Variants in LRRC8A observed in about 807,000 individuals in gnomAD.
LRRC8A encodes volume-regulated anion channel subunit LRRC8A.
LRRC8A carries 24 observed loss-of-function variants against 52.5 expected under a neutral mutation model. The observed-to-expected ratio is 0.46, with a 90% CI of 0.33 to 0.64. The LOEUF is 0.64. Ranked by LOEUF, LRRC8A falls within the 30% of genes least tolerant of loss-of-function variation. LRRC8A has a pLI of 0.02. For synonymous variants in LRRC8A, 492 were observed against 494.2 expected (o/e 1.00, Z 0.06); for missense variants, 677 against 1,094.7 (o/e 0.62, Z 5.38).
chr9:128,887,762 C>G (rs1372224607), intron 2 of LRRC8A, among the ~76,000 whole-genome samples: 2 of 152,116 alleles, frequency 1.3e-5, no homozygotes, highest in African/African-American at 4.8e-5. Flanking sequence ...CTGCCTCAGC[C>G]TCCCGAGTAG....
chr9:128,898,648 T>C (rs947387094), intron 2 of LRRC8A, among the ~76,000 whole-genome samples: 1 of 152,220 alleles, frequency 6.6e-6, no homozygotes, highest in African/African-American at 2.4e-5. Flanking sequence ...CCCTGGCCTT[T>C]TAGCAGCCCT....
rs1479875066 is a variant in LRRC8A, at chr9:128,916,144, C to T, written c.2206C>T (p.Leu736=). ...ELFQCRKLRA[L]HLGNNVLQSL... ...CTTCCAGTGCCGGAAGCTGCGGGCCCTGCACCTGGGCAACAACGTGCTGCA... is the reference window on the plus strand; with the variant it reads ...CTTCCAGTGCCGGAAGCTGCGGGCCTTGCACCTGGGCAACAACGTGCTGCA... The change falls in exon 4 of 4, where the codon CTG becomes TTG. Residue 736 remains leucine, a synonymous_variant. Coordinates refer to ENST00000372600, the MANE Select transcript of LRRC8A (RefSeq NM_019594.4). This position sits in a 1 kb window ranked among gnomAD's most constrained non-coding sequence, Gnocchi z 6.1. 4 of 1,613,206 alleles carry T rather than the reference C, an allele frequency of 2.5e-6. No homozygotes were observed. In the South Asian group the frequency reaches 4.4e-5, roughly 18 times the overall value.
intron 1 of LRRC8A, among the ~76,000 whole-genome samples, chr9:128,883,092 G>A (rs904944518): frequency 6.6e-6 from 1 of 152,206 alleles, no homozygotes; most frequent in Non-Finnish European, 1.5e-5. Context: ...GGAGGGATGG[G>A]TCGGGGGTTG....
intron 2 of LRRC8A, among the ~76,000 whole-genome samples, chr9:128,894,814 T>C (rs934863538): frequency 4.7e-5 from 7 of 149,416 alleles, no homozygotes; most frequent in Non-Finnish European, 7.4e-5. Context: ...AAAAAAGATA[T>C]CATATTTCCT....
In LRRC8A at chr9:128,907,854, C is replaced by T. The variant is rs368520861; in HGVS notation, c.690C>T (p.Gly230=). Residue 230 remains glycine (G), a synonymous_variant, in exon 3 of 4, where the codon GGC becomes GGT. Transcript: ENST00000372600. The surrounding 1 kb of genome is among the most constrained non-coding windows in gnomAD (Gnocchi z 9.3). Reference sequence around the variant, plus strand: ...GTATCGTGGACCGCTCAGAGACGGGCGTGCTGGACAAGAAGGAGGGGGAGC... The same window carrying T: ...GTATCGTGGACCGCTCAGAGACGGGTGTGCTGGACAAGAAGGAGGGGGAGC... The part of the protein sequence containing the change: ...EQGIVDRSET[G]VLDKKEGEQA... 8.2e-5 allele frequency: 133 copies of T among 1,613,940 alleles called. No homozygotes were observed. Among genetic ancestry groups the T allele is most frequent in the Non-Finnish European group, 9.2e-5 (108 of 1,180,028 alleles).
At chr9:128,914,974 TCCTGGCTCCATCACTTACCAGCTGAA>T in intron 3 of LRRC8A, among the ~76,000 whole-genome samples, 1 of 152,328 alleles carries the variant, frequency 6.6e-6, no homozygotes, top group Non-Finnish European at 1.5e-5. Context: ...CGGGTTCAAA[TCCTGGCTCCATCACTTACCAGCTGAA>T]CCTCTGGACA....
chr9:128,888,058 T>C (rs996309531), intron 2 of LRRC8A, among the ~76,000 whole-genome samples: 19 of 152,048 alleles, frequency 1.2e-4, no homozygotes, highest in African/African-American at 4.6e-4. Context: ...TTTGAGCTGT[T>C]TGGGCATTTA....
At position 128,916,344 on chromosome 9, in the gene LRRC8A, G is replaced by A. The variant is rs748386966; in HGVS notation, c.2406G>A (p.Leu802=). ...TGCCACCCGAGGTGAAGGAGCGGCT[G>A]TGGAGGGCTGACAAGGAGCAGGCCT... is the stretch of plus-strand genomic sequence containing the variant. The part of the protein sequence containing the change: ...NTLPPEVKER[L]WRADKEQA The change falls in exon 4 of 4, where the codon CTG becomes CTA. Residue 802 remains leucine (L), a synonymous_variant. Transcript: ENST00000372600. The surrounding 1 kb of genome is among the most constrained non-coding windows in gnomAD (Gnocchi z 6.1). 2.5e-6 allele frequency: 4 copies of A among 1,611,786 alleles called. No individual in the cohort carries two copies. Among genetic ancestry groups the A allele is most frequent in the Non-Finnish European group, 3.4e-6 (4 of 1,179,862 alleles).
chr9:128,917,824 A>G lies in LRRC8A; in HGVS notation c.*1453A>G, dbSNP rs1840892438. 6.5e-6 allele frequency: 1 copy of G among 152,728 alleles called. No homozygotes were observed. Among genetic ancestry groups the G allele is most frequent in the African/African-American group, 2.4e-5 (1 of 41,472 alleles). The allele number at this position is 152,728 out of a possible 1,614,324, so 9.5% of individuals were successfully genotyped here. A position where few individuals can be genotyped will look rare whatever the true frequency, so the allele number is the denominator to read the frequency against. On this transcript the variant is annotated 3_prime_UTR_variant, in exon 4 of 4. Coordinates refer to ENST00000372600, the MANE Select transcript of LRRC8A (RefSeq NM_019594.4). ...TTAGAAGGGTCCCCGCCTTAGATCA[A>G]TCACGTGGACACTAAGGCACGTTTT...
chr9:128,893,347 A>G (rs1026318310), intron 2 of LRRC8A, among the ~76,000 whole-genome samples: 2 of 152,180 alleles, frequency 1.3e-5, no homozygotes, highest in African/African-American at 4.8e-5. Flanking sequence ...GGACCGTGGA[A>G]CGACAGCCTG....
At chr9:128,909,836 C>A (rs892241478) in intron 3 of LRRC8A, among the ~76,000 whole-genome samples, 9 of 152,334 alleles carry the variant, frequency 5.9e-5, no homozygotes, top group Non-Finnish European at 1.3e-4. Flanking sequence ...TGAGGGGAAG[C>A]CTTGGATGGT....
At chr9:128,900,770 G>A (rs890943324) in intron 2 of LRRC8A, among the ~76,000 whole-genome samples, 8 of 152,178 alleles carry the variant, frequency 5.3e-5, no homozygotes, top group Admixed American at 1.3e-4. Flanking sequence ...GCTCATGCCC[G>A]TAGTCCCAGC....
intron 2 of LRRC8A, among the ~76,000 whole-genome samples, chr9:128,886,625 G>T (rs981573417): frequency 6.6e-6 from 1 of 152,204 alleles, no homozygotes; most frequent in African/African-American, 2.4e-5. Context: ...TTATTTGATC[G>T]TGTAGACATC....
chr9:128,908,536 G>A lies in LRRC8A; in HGVS notation c.1372G>A (p.Asp458Asn), dbSNP rs1339612175. 5 of 1,612,622 alleles carry A rather than the reference G, an allele frequency of 3.1e-6. No individual in the cohort carries two copies. Among genetic ancestry groups the A allele is most frequent in the Non-Finnish European group, 3.4e-6 (4 of 1,179,926 alleles). The change falls in exon 3 of 4, where the codon GAC (aspartate) becomes AAC (asparagine). Residue 458 changes from aspartate (D) to asparagine (N), a missense_variant. Physicochemically the swap from Asp to Asn is conservative, Grantham distance 23. This residue lies in a region of LRRC8A where 422 missense variants were observed against 741.5 expected (regional missense o/e 0.57). Transcript: ENST00000372600. ...LEVLKLELIP[D>N]VTIPPSIAQL... The stretch of plus-strand genomic sequence containing the variant: ...GGTCCTCAAGCTGGAGCTGATCCCC[G>A]ACGTGACCATCCCGCCCAGCATTGC...
rs2130995466 is a variant in LRRC8A at position 128,902,826 on chromosome 9, G to A, written c.-8-4331G>A. Among the ~76,000 whole-genome samples the A allele has an allele frequency of 1.3e-5, 2 of 152,244 alleles. No individual in the cohort carries two copies. The highest frequency in any genetic ancestry group is 4.8e-5 in the African/African-American group (2 of 41,556). On this transcript the variant is annotated intron_variant, in intron 2 of 3. Coordinates refer to ENST00000372600, the MANE Select transcript of LRRC8A (RefSeq NM_019594.4). This position sits in a 1 kb window ranked among gnomAD's most constrained non-coding sequence, Gnocchi z 4.1. The stretch of plus-strand genomic sequence containing the variant: ...TTCCTGTGGGGCGGGTGCTTGCCCT[G>A]GCCCGTGAGTCCTGGCATCACTAGG...
rs1315103213 is a variant in LRRC8A, at chr9:128,916,575, C to A, written c.*204C>A. On this transcript the variant is annotated 3_prime_UTR_variant, in exon 4 of 4. Coordinates refer to ENST00000372600, the MANE Select transcript of LRRC8A (RefSeq NM_019594.4). This position sits in a 1 kb window ranked among gnomAD's most constrained non-coding sequence, Gnocchi z 6.1. Reference sequence around the variant, plus strand: ...CCTTTTCTCCCTCTGAGACTCACGTCCCCCAGGGCAAGTGCTTGTGGAGGA... The same window carrying A: ...CCTTTTCTCCCTCTGAGACTCACGTACCCCAGGGCAAGTGCTTGTGGAGGA... 3.1e-6 allele frequency: 2 copies of A among 635,990 alleles called. No individual in the cohort carries two copies. The highest frequency in any genetic ancestry group is 6.0e-5 in the Admixed American group (2 of 33,466). 39.4% of individuals were successfully genotyped at this position (635,990 alleles called of 1,614,324 possible).
intron 3 of LRRC8A, among the ~76,000 whole-genome samples, chr9:128,915,515 C>G (rs1175678215): frequency 6.6e-6 from 1 of 152,070 alleles, no homozygotes; most frequent in African/African-American, 2.4e-5. Context: ...TTAGTAGAGA[C>G]GGGGTTTCAC....
chr9:128,907,017 A>T lies in LRRC8A; in HGVS notation c.-8-140A>T. On this transcript the variant is annotated intron_variant, in intron 2 of 3. Coordinates refer to ENST00000372600, the MANE Select transcript of LRRC8A (RefSeq NM_019594.4). The surrounding 1 kb of genome is among the most constrained non-coding windows in gnomAD (Gnocchi z 9.3). ...TGATAAGTGGGCTGCCCCGTGGAGT[A>T]GGCAGGCTTTGGCTCCCAGCTAGAT... is the stretch of plus-strand genomic sequence containing the variant. The T allele has an allele frequency of 1.3e-6, 1 of 765,598 alleles. No homozygotes were observed. The highest frequency in any genetic ancestry group is 1.7e-5 in the South Asian group (1 of 57,984). The allele number at this position is 765,598 out of a possible 1,614,324, so 47.4% of individuals were successfully genotyped here.
rs1428846685 is a variant in LRRC8A, at chr9:128,909,196, C to T, written c.2032C>T (p.Pro678Ser). The T allele has an allele frequency of 6.2e-7, 1 of 1,614,194 alleles. No homozygotes were observed. Among genetic ancestry groups the T allele is most frequent in the Non-Finnish European group, 8.5e-7 (1 of 1,180,042 alleles). The change falls in exon 3 of 4, where the codon CCC (proline) becomes TCC (serine). Residue 678 changes from proline to serine, a missense_variant. Coordinates refer to ENST00000372600, the MANE Select transcript of LRRC8A (RefSeq NM_019594.4). ...GAACCGCAACAAGATCGAGAAGATC[C>T]CCACCCAGCTCTTCTACTGCCGCAA... ...YLNRNKIEKIPTQLFYCRKLR... is the reference protein window; with the variant it reads ...YLNRNKIEKISTQLFYCRKLR...
Sources: gnomAD v4.1 joint callset for allele counts (sites outside exome capture counted in the v4.1 genomes callset) on GRCh38, gnomAD v4.1.1 for gene constraint, gnomAD v4.1.1 regional missense constraint, Gnocchi (gnomAD v3.1) non-coding constraint, MANE v1.5 for transcripts, NCBI Gene and HGNC (gene_info 2026-07-23, HGNC 2026-07-21) for gene names.